PKP4: variants seen among roughly 807,000 people sequenced by gnomAD.
PKP4 encodes the protein plakophilin-4.
PKP4 carries 90 observed loss-of-function variants against 145.1 expected under a neutral mutation model. The ratio of observed to expected loss-of-function variants is 0.62; its 90% CI spans 0.52 to 0.74. The LOEUF (loss-of-function observed/expected upper bound fraction) is 0.74. PKP4 is among the 30% of genes least tolerant of loss of function. The pLI, the probability that PKP4 is intolerant of heterozygous loss-of-function variation, is 0.00. For synonymous variants in PKP4, 563 were observed against 577.2 expected (o/e 0.98, Z 0.35); for missense variants, 1,340 against 1,482.7 (o/e 0.90, Z 1.58).
At chr2:158,615,923 C>G (rs1461628508) in intron 4 of PKP4, among the ~76,000 whole-genome samples, 1 of 152,102 alleles carries the variant, frequency 6.6e-6, no homozygotes, top group Non-Finnish European at 1.5e-5. Context: ...TATAAATATG[C>G]ACAAGACCCA....
chr2:158,674,015 G>C lies in PKP4; in HGVS notation c.3127+15G>C. On this transcript the variant is annotated intron_variant, in intron 19 of 21. Coordinates refer to ENST00000389759, the MANE Select transcript of PKP4 (RefSeq NM_003628.6). ...CATTCAGTCAGGTCAGTGGGAAAAT[G>C]CCACTCCTTGGCGAGAACCTTTGTG... is the stretch of plus-strand genomic sequence containing the variant. 4 of 1,345,402 alleles carry C rather than the reference G, an allele frequency of 3.0e-6. No homozygotes were observed. Among genetic ancestry groups the C allele is most frequent in the Non-Finnish European group, 4.3e-6 (4 of 934,096 alleles). The allele number at this position is 1,345,402 out of a possible 1,614,324, so 83.3% of individuals were successfully genotyped here.
At chr2:158,481,844 A>G (rs1029716926) in intron 1 of PKP4, among the ~76,000 whole-genome samples, 1 of 152,246 alleles carries the variant, frequency 6.6e-6, no homozygotes. Context: ...CTGCCACATA[A>G]GACATAAAAA....
intron 7 of PKP4, among the ~76,000 whole-genome samples, chr2:158,626,703 A>G (rs111756959): frequency 2.9e-4 from 44 of 152,298 alleles, no homozygotes; most frequent in African/African-American, 1.0e-3. Context: ...ATCTTTGCCA[A>G]TCTGATAGGT....
intron 1 of PKP4, among the ~76,000 whole-genome samples, chr2:158,494,071 T>A (rs1346812324): frequency 1.3e-5 from 2 of 152,208 alleles, no homozygotes; most frequent in Admixed American, 6.5e-5. Flanking sequence ...GGATCTTTTT[T>A]AATACAGTTT....
chr2:158,596,423 G>A (rs79452989), intron 3 of PKP4, among the ~76,000 whole-genome samples: 6,014 of 152,052 alleles, frequency 0.04, 174 homozygotes, highest in Non-Finnish European at 0.065. Context: ...AAATTGAGGA[G>A]TGAAACATCA....
intron 14 of PKP4, 53 bp from the exon 15 acceptor site, chr2:158,663,219 T>C: frequency 6.4e-7 from 1 of 1,566,760 alleles, no homozygotes; most frequent in Non-Finnish European, 8.7e-7. Flanking sequence ...TTTTCAAGTA[T>C]TGGAGATCAT....
chr2:158,457,871 C>G (rs538714994), intron 1 of PKP4: 16 of 153,498 alleles, frequency 1.0e-4, no homozygotes, highest in African/African-American at 3.6e-4. Context: ...TCCCCAGCGC[C>G]GAGCCTCGCC....
intron 3 of PKP4, among the ~76,000 whole-genome samples, chr2:158,583,400 G>A (rs1342337972): frequency 6.6e-6 from 1 of 152,040 alleles, no homozygotes; most frequent in Non-Finnish European, 1.5e-5. Context: ...TTCTTACTCC[G>A]TATTTTATTG....
In PKP4 at chr2:158,554,198, C is replaced by CA. The variant is rs1254912449; in HGVS notation, c.132+20882_132+20883insA. Among the ~76,000 whole-genome samples, 649 of 151,470 alleles carry CA rather than the reference C, an allele frequency of 4.3e-3. 3 individuals are homozygous for CA. Among genetic ancestry groups the CA allele is most frequent in the South Asian group, 9.7e-3 (46 of 4,752 alleles). On this transcript the variant is annotated intron_variant, in intron 2 of 21. Transcript: ENST00000389759. Reference sequence around the variant, plus strand: ...CCTGACATTCAGTAGCCTTCTGGCACTCACTGTCATTCGCTGAAGATTCAG... The same window carrying CA: ...CCTGACATTCAGTAGCCTTCTGGCACATCACTGTCATTCGCTGAAGATTCAG...
At chr2:158,669,524 G>A (rs1189277163) in intron 16 of PKP4, 196 bp from the exon 17 acceptor site, 10 of 399,802 alleles carry the variant, frequency 2.5e-5, no homozygotes, top group Middle Eastern at 6.3e-4. Flanking sequence ...TGCAAGTGAC[G>A]TTGCAATAAA....
intron 3 of PKP4, among the ~76,000 whole-genome samples, chr2:158,581,203 C>T (rs2048304875): frequency 6.6e-6 from 1 of 152,140 alleles, no homozygotes; most frequent in Non-Finnish European, 1.5e-5. Context: ...ACCCAGGCCC[C>T]CTTTCCGGTA....
At chr2:158,577,143 A>T in intron 2 of PKP4, 128 bp from the exon 3 acceptor site, 1 of 535,490 alleles carries the variant, frequency 1.9e-6, no homozygotes. Flanking sequence ...ATTGCATTTC[A>T]CAAAGCCACA....
At chr2:158,538,589 G>T (rs2044260306) in intron 2 of PKP4, among the ~76,000 whole-genome samples, 1 of 147,130 alleles carries the variant, frequency 6.8e-6, no homozygotes, top group Non-Finnish European at 1.5e-5. Context: ...ATCCAGGCTG[G>T]AGTGCAGTGG....
At chr2:158,664,118 C>A (rs964565575) in intron 15 of PKP4, among the ~76,000 whole-genome samples, 2 of 152,138 alleles carry the variant, frequency 1.3e-5, no homozygotes, top group African/African-American at 4.8e-5. Context: ...ATCACTGCTC[C>A]CCCACTTCCA....
chr2:158,672,042 C>T (rs1332433757), intron 17 of PKP4, among the ~76,000 whole-genome samples: 1 of 152,072 alleles, frequency 6.6e-6, no homozygotes, highest in Admixed American at 6.6e-5. Flanking sequence ...TGGAGCAGAG[C>T]CAGTGAGGGG....
intron 3 of PKP4, among the ~76,000 whole-genome samples, chr2:158,587,981 A>AT (rs893824833): frequency 6.6e-6 from 1 of 150,916 alleles, no homozygotes. Context: ...GTACACCTTG[A>AT]TTTTTTCCAT....
intron 17 of PKP4, among the ~76,000 whole-genome samples, chr2:158,673,198 C>T (rs1489079398): frequency 6.6e-6 from 1 of 152,188 alleles, no homozygotes; most frequent in Admixed American, 6.5e-5. Flanking sequence ...CATTAGAACG[C>T]ACATTAGTCT....
In PKP4 at chr2:158,465,011, TG is replaced by T. The variant is rs376320029; in HGVS notation, c.-6+7794del. 5.6e-3 allele frequency among the ~76,000 whole-genome samples: 855 copies of T among 152,368 alleles called. 3 individuals are homozygous for T. Among genetic ancestry groups the T allele is most frequent in the Non-Finnish European group, 9.1e-3 (617 of 68,022 alleles). ...TTTAGTCCCCTACTCCATATCAGAC[TG>T]ATAGGCCTTATGGCCAAAAAGATGA... On this transcript the variant is annotated intron_variant, in intron 1 of 21. Coordinates refer to ENST00000389759, the MANE Select transcript of PKP4 (RefSeq NM_003628.6).
intron 2 of PKP4, among the ~76,000 whole-genome samples, chr2:158,536,445 G>A (rs11686340): frequency 0.24 from 35,740 of 152,058 alleles, 4,609 homozygotes; most frequent in Middle Eastern, 0.35. Context: ...TTCTTCAGTA[G>A]AGTATATCTA....
Sources: gnomAD v4.1 joint callset for allele counts (sites outside exome capture counted in the v4.1 genomes callset) on GRCh38, gnomAD v4.1.1 for gene constraint, MANE v1.5 for transcripts, NCBI Gene and HGNC (gene_info 2026-07-23, HGNC 2026-07-21) for gene names.